C1orf21: variants seen among roughly 807,000 people sequenced by gnomAD.
The protein encoded by C1orf21 is chromosome 1 open reading frame 21.
Under a neutral mutation model 18.7 loss-of-function variants are expected in C1orf21, and 3 were observed. The observed-to-expected ratio is 0.16, with a 90% confidence interval of 0.07 to 0.42. C1orf21 has a LOEUF of 0.42. C1orf21 is among the 10% of genes least tolerant of loss of function. C1orf21 has a pLI of 0.99. For synonymous variants in C1orf21, 41 were observed against 46.4 expected (o/e 0.88, Z 0.47); for missense variants, 104 against 143.6 (o/e 0.72, Z 1.41).
At chr1:184,516,964 G>A (rs749812228) in intron 3 of C1orf21, among the ~76,000 whole-genome samples, 54 of 152,324 alleles carry the variant, frequency 3.5e-4, no homozygotes, top group Non-Finnish European at 5.4e-4. Context: ...GCCCTGATCC[G>A]CAGAATAAGC....
chr1:184,406,040 G>C (rs961678564), intron 1 of C1orf21, among the ~76,000 whole-genome samples: 1 of 152,110 alleles, frequency 6.6e-6, no homozygotes. Flanking sequence ...CCTTTCGGTT[G>C]AAATGTCAAG....
intron 1 of C1orf21, among the ~76,000 whole-genome samples, chr1:184,450,571 C>T (rs1274572522): frequency 6.6e-6 from 1 of 152,102 alleles, no homozygotes. Flanking sequence ...TTCACAAAAG[C>T]GTACACAACA....
At chr1:184,406,249 T>C (rs112031276) in intron 1 of C1orf21, among the ~76,000 whole-genome samples, 2,472 of 152,248 alleles carry the variant, frequency 0.016, 69 homozygotes, top group African/African-American at 0.056. Flanking sequence ...TATCTAGAAA[T>C]GAAATGCATG....
chr1:184,455,158 G>C (rs1303628551), intron 1 of C1orf21, among the ~76,000 whole-genome samples: 1 of 152,128 alleles, frequency 6.6e-6, no homozygotes, highest in African/African-American at 2.4e-5. Flanking sequence ...GCCCATGTGT[G>C]GACTCACGTT....
intron 3 of C1orf21, among the ~76,000 whole-genome samples, chr1:184,533,730 C>T (rs1658505020): frequency 6.6e-6 from 1 of 152,294 alleles, no homozygotes; most frequent in African/African-American, 2.4e-5. Flanking sequence ...CCACACAATC[C>T]CCCATAAAAT....
chr1:184,406,962 A>AT (rs1338922934), intron 1 of C1orf21, among the ~76,000 whole-genome samples: 6 of 151,472 alleles, frequency 4.0e-5, no homozygotes, highest in Non-Finnish European at 5.9e-5. Context: ...CTAGGCCCTG[A>AT]TTTTTTTTCT....
At chr1:184,400,064 T>G (rs2101956580) in intron 1 of C1orf21, among the ~76,000 whole-genome samples, 1 of 152,320 alleles carries the variant, frequency 6.6e-6, no homozygotes, top group African/African-American at 2.4e-5. Flanking sequence ...TTAACACAAT[T>G]TATGTGTTTT....
intron 3 of C1orf21, among the ~76,000 whole-genome samples, chr1:184,519,280 G>T (rs1017400568): frequency 2.0e-5 from 3 of 152,144 alleles, no homozygotes; most frequent in African/African-American, 7.2e-5. Flanking sequence ...CTCCTGTCCA[G>T]TAAAGGATAG....
At chr1:184,515,038 C>A (rs753933270) in intron 3 of C1orf21, among the ~76,000 whole-genome samples, 4 of 152,088 alleles carry the variant, frequency 2.6e-5, no homozygotes, top group Non-Finnish European at 5.9e-5. Flanking sequence ...TCCTGCTCTG[C>A]AAAATGGGGA....
chr1:184,467,137 A>T (rs574364915), intron 1 of C1orf21, among the ~76,000 whole-genome samples: 2 of 152,292 alleles, frequency 1.3e-5, no homozygotes, highest in African/African-American at 4.8e-5. Context: ...GTGACCCAGG[A>T]CATGGGGCTG....
At chr1:184,558,543 C>T (rs1464774552) in intron 3 of C1orf21, among the ~76,000 whole-genome samples, 1 of 152,100 alleles carries the variant, frequency 6.6e-6, no homozygotes, top group African/African-American at 2.4e-5. Context: ...CAAATGCAGC[C>T]ATCTATCCAA....
At chr1:184,507,564 G>A (rs745425782) in intron 2 of C1orf21, 24 bp from the exon 3 acceptor site, 7 of 1,556,898 alleles carry the variant, frequency 4.5e-6, no homozygotes, top group Middle Eastern at 1.7e-4. Context: ...ATTATAAAAT[G>A]TGTTTTCTTT....
intron 1 of C1orf21, among the ~76,000 whole-genome samples, chr1:184,411,679 C>T (rs1209653292): frequency 6.6e-6 from 1 of 152,088 alleles, no homozygotes; most frequent in African/African-American, 2.4e-5. Context: ...GCCTTGGCCT[C>T]CCAAAGTGCT....
chr1:184,567,504 C>T, intron 3 of C1orf21: 1 of 535,882 alleles, frequency 1.9e-6, no homozygotes, highest in Non-Finnish European at 3.8e-6. Context: ...AAGCTGAGTG[C>T]AGTGAACTCT....
At chr1:184,604,727 G>T (rs1355194296) in intron 5 of C1orf21, among the ~76,000 whole-genome samples, 1 of 152,172 alleles carries the variant, frequency 6.6e-6, no homozygotes, top group Non-Finnish European at 1.5e-5. Context: ...GGAACCACTG[G>T]TGAAGTGTGT....
chr1:184,509,060 T>C (rs747260333), intron 3 of C1orf21, among the ~76,000 whole-genome samples: 7 of 152,174 alleles, frequency 4.6e-5, no homozygotes, highest in African/African-American at 1.4e-4. Flanking sequence ...TCCTTAATAA[T>C]AATATTTACT....
chr1:184,451,686 C>T (rs759697687), intron 1 of C1orf21, among the ~76,000 whole-genome samples: 5 of 152,014 alleles, frequency 3.3e-5, no homozygotes, highest in Admixed American at 6.6e-5. Flanking sequence ...CACACAGACA[C>T]GTTTCTCTAA....
chr1:184,533,148 C>T (rs1470592165), intron 3 of C1orf21, among the ~76,000 whole-genome samples: 1 of 152,022 alleles, frequency 6.6e-6, no homozygotes, highest in Non-Finnish European at 1.5e-5. Flanking sequence ...CCTCTCTCTC[C>T]CTTCCCTCTG....
intron 3 of C1orf21, among the ~76,000 whole-genome samples, chr1:184,583,846 T>A (rs1045933761): frequency 3.3e-5 from 5 of 152,200 alleles, no homozygotes; most frequent in African/African-American, 9.7e-5. Context: ...TCGCAGTTGG[T>A]CTCGGTTTGT....
Sources: allele counts gnomAD v4.1 joint callset (sites outside exome capture counted in the v4.1 genomes callset), GRCh38; gene constraint gnomAD v4.1.1; transcripts MANE v1.5; gene names NCBI Gene and HGNC (gene_info 2026-07-23, HGNC 2026-07-21).